The following CCDC88A variants were observed in gnomAD, a reference collection of about 807,000 sequenced individuals.
CCDC88A encodes girdin.
CCDC88A carries 54 observed loss-of-function variants against 234.3 expected under a neutral mutation model. The ratio of observed to expected loss-of-function variants is 0.23; its 90% CI spans 0.19 to 0.29. CCDC88A has a LOEUF of 0.29. Ranked by LOEUF, CCDC88A falls within the 10% of genes least tolerant of loss-of-function variation. The pLI, the probability that CCDC88A is intolerant of heterozygous loss-of-function variation, is 1.00. For missense variants in CCDC88A, 1,832 were observed against 2,123.4 expected (o/e 0.86, Z 2.70); for synonymous variants, 753 against 737.8 (o/e 1.02, Z -0.33).
At chr2:55,392,553 G>C (rs1210170274) in intron 2 of CCDC88A, among the ~76,000 whole-genome samples, 1 of 152,108 alleles carries the variant, frequency 6.6e-6, no homozygotes, top group Non-Finnish European at 1.5e-5. Flanking sequence ...TTTATTCCTA[G>C]ATGCTTACAG....
At chr2:55,370,988 TGACA>T (rs992835181) in intron 5 of CCDC88A, among the ~76,000 whole-genome samples, 1 of 152,118 alleles carries the variant, frequency 6.6e-6, no homozygotes, top group African/African-American at 2.4e-5. Flanking sequence ...CACTCCTGCC[TGACA>T]GAGTGAGACC....
chr2:55,355,234 A>G (rs1168816373), intron 8 of CCDC88A: 1 of 215,114 alleles, frequency 4.6e-6, no homozygotes, highest in East Asian at 1.5e-4. Flanking sequence ...TAATTTTAAA[A>G]GAGTTATTAG....
At chr2:55,410,016 C>T (rs578082355) in intron 2 of CCDC88A, among the ~76,000 whole-genome samples, 17 of 152,276 alleles carry the variant, frequency 1.1e-4, no homozygotes, top group Non-Finnish European at 2.1e-4. Flanking sequence ...GCTGGGATTA[C>T]AGGTGTGAGC....
Position 55,322,515 on chromosome 2 carries a change from T to C in CCDC88A, c.3162+13A>G. The C allele has an allele frequency of 5.4e-6, 8 of 1,490,378 alleles. No individual in the cohort carries two copies. Among genetic ancestry groups the C allele is most frequent in the Non-Finnish European group, 7.4e-6 (8 of 1,081,310 alleles). 92.3% of individuals were successfully genotyped at this position (1,490,378 alleles called of 1,614,324 possible). A position where few individuals can be genotyped will look rare whatever the true frequency, so the allele number is the denominator to read the frequency against. On this transcript the variant is annotated intron_variant, in intron 18 of 32. Transcript: ENST00000436346. ...AAAAAAAACTATTTCTACTAAAATT[T>C]AAAAATACTTACATTTCTTTCTACT...
At chr2:55,398,882 G>C (rs1235658389) in intron 2 of CCDC88A, among the ~76,000 whole-genome samples, 1 of 151,524 alleles carries the variant, frequency 6.6e-6, no homozygotes, top group Non-Finnish European at 1.5e-5. Context: ...AAAAAAGAAA[G>C]AAAGAAAAGT....
chr2:55,419,198 C>G lies in CCDC88A; in HGVS notation c.-119G>C. On this transcript the variant is annotated 5_prime_UTR_variant, in exon 1 of 33. Coordinates refer to ENST00000436346, the MANE Select transcript of CCDC88A (RefSeq NM_001365480.1). ...GTCCATTTCGGCAAGGGAGAAAAATCCCATCGTGGAGGAGGGGGGCACTCT... is the reference window on the plus strand; with the variant it reads ...GTCCATTTCGGCAAGGGAGAAAAATGCCATCGTGGAGGAGGGGGGCACTCT... 2 of 675,714 alleles carry G rather than the reference C, an allele frequency of 3.0e-6. No homozygotes were observed. The highest frequency in any genetic ancestry group is 5.2e-6 in the Non-Finnish European group (2 of 385,174). The allele number at this position is 675,714 out of a possible 1,614,324, so 41.9% of individuals were successfully genotyped here.
At chr2:55,294,216 AGAACT>A in intron 31 of CCDC88A, 1 of 899,252 alleles carries the variant, frequency 1.1e-6, no homozygotes, top group Non-Finnish European at 1.3e-6. Context: ...CTATAAAAAA[AGAACT>A]GGAAAAACTA....
chr2:55,314,838 T>C (rs1187721891), intron 22 of CCDC88A, among the ~76,000 whole-genome samples: 1 of 152,228 alleles, frequency 6.6e-6, no homozygotes, highest in African/African-American at 2.4e-5. Flanking sequence ...TTCCAACCAC[T>C]ATCCCTTCCC....
intron 25 of CCDC88A, among the ~76,000 whole-genome samples, chr2:55,305,641 G>C (rs1042068295): frequency 6.6e-6 from 1 of 152,204 alleles, no homozygotes; most frequent in Non-Finnish European, 1.5e-5. Flanking sequence ...GGGGCCAGGA[G>C]TTTGAGACCA....
chr2:55,357,657 A>T (rs1670769700), intron 7 of CCDC88A, among the ~76,000 whole-genome samples: 1 of 152,184 alleles, frequency 6.6e-6, no homozygotes, highest in Non-Finnish European at 1.5e-5. Flanking sequence ...ATCATGAAAT[A>T]AGCATCCTTG....
At chr2:55,296,809 G>A (rs1680082944) in intron 29 of CCDC88A, 1 of 301,618 alleles carries the variant, frequency 3.3e-6, no homozygotes, top group Non-Finnish European at 6.1e-6. Context: ...CTCATACAAA[G>A]CATTCAATAT....
intron 22 of CCDC88A, chr2:55,313,781 A>C (rs1237870938): frequency 6.6e-6 from 1 of 152,220 alleles, no homozygotes; most frequent in East Asian, 1.9e-4. Flanking sequence ...CAAAAGGTAG[A>C]GAAAATCAGG....
Position 55,335,203 on chromosome 2 carries a change from G to A in CCDC88A, c.1657-39C>T. 7.8e-7 allele frequency: 1 copy of A among 1,274,986 alleles called. No homozygotes were observed. Among genetic ancestry groups the A allele is most frequent in the Non-Finnish European group, 1.1e-6 (1 of 949,234 alleles). The allele number at this position is 1,274,986 out of a possible 1,614,324, so 79.0% of individuals were successfully genotyped here. On this transcript the variant is annotated intron_variant, in intron 14 of 32. Coordinates refer to ENST00000436346, the MANE Select transcript of CCDC88A (RefSeq NM_001365480.1). The surrounding 1 kb of genome is among the most constrained non-coding windows in gnomAD (Gnocchi z 4.5). Reference sequence around the variant, plus strand: ...AAAATAATTAAAAGCTGTAATTGAGGAAAAACTAACTATGGTTTATCTCTT... The same window carrying A: ...AAAATAATTAAAAGCTGTAATTGAGAAAAAACTAACTATGGTTTATCTCTT...
At chr2:55,386,684 C>G (rs968137793) in intron 3 of CCDC88A, among the ~76,000 whole-genome samples, 31 of 151,430 alleles carry the variant, frequency 2.0e-4, no homozygotes, top group African/African-American at 7.5e-4. Flanking sequence ...GTTGGACAGG[C>G]TGGTCTCGAA....
At chr2:55,413,595 T>C (rs1002952084) in intron 2 of CCDC88A, among the ~76,000 whole-genome samples, 1 of 152,208 alleles carries the variant, frequency 6.6e-6, no homozygotes, top group African/African-American at 2.4e-5. Context: ...AAGAATGTAC[T>C]GTGTGTCAAA....
intron 5 of CCDC88A, among the ~76,000 whole-genome samples, chr2:55,366,318 G>C (rs1343987831): frequency 2.0e-5 from 3 of 152,108 alleles, no homozygotes; most frequent in Non-Finnish European, 4.4e-5. Flanking sequence ...CTGAGGTCAG[G>C]AGTTCAAGAC....
chr2:55,374,179 G>A (rs913555903), intron 4 of CCDC88A, among the ~76,000 whole-genome samples: 4 of 152,208 alleles, frequency 2.6e-5, no homozygotes, highest in Admixed American at 2.6e-4. Context: ...TTCGAGACTG[G>A]CCTGGCCAAC....
At position 55,355,698 on chromosome 2, in the gene CCDC88A, G is replaced by C. The variant is rs1167663598; in HGVS notation, c.681C>G (p.Ala227=). The C allele has an allele frequency of 1.9e-6, 3 of 1,613,834 alleles. No individual in the cohort carries two copies. The highest frequency in any genetic ancestry group is 8.5e-7 in the Non-Finnish European group (1 of 1,179,824). Residue 227 remains alanine (A), a synonymous_variant, in exon 8 of 33, where the codon GCC becomes GCG. Transcript: ENST00000436346. ...CACAGGGTGACTGTGCAGATGAAGAGGCATGGGGTAGAAAATGGAGACCAT... is the reference window on the plus strand; with the variant it reads ...CACAGGGTGACTGTGCAGATGAAGACGCATGGGGTAGAAAATGGAGACCAT... ...ERDGLHFLPH[A]SSSAQSPCGS...
chr2:55,374,282 C>A (rs1006855939), intron 4 of CCDC88A, among the ~76,000 whole-genome samples: 2 of 152,082 alleles, frequency 1.3e-5, no homozygotes, highest in Non-Finnish European at 2.9e-5. Context: ...GCAGGAGAAT[C>A]GCTTGAACCC....
Sources: allele counts gnomAD v4.1 joint callset (sites outside exome capture counted in the v4.1 genomes callset), GRCh38; gene constraint gnomAD v4.1.1; non-coding constraint Gnocchi (gnomAD v3.1); transcripts MANE v1.5; gene names NCBI Gene and HGNC (gene_info 2026-07-23, HGNC 2026-07-21).